The following IL12RB2 variants were observed in gnomAD, a reference collection of about 807,000 sequenced individuals.
IL12RB2 encodes the protein interleukin 12 receptor subunit beta 2.
A neutral mutation model predicts 89.4 loss-of-function variants in IL12RB2; 82 were observed. That is an observed-to-expected ratio of 0.92 (90% CI 0.77 to 1.10). The LOEUF is 1.10. IL12RB2 is among the 50% of genes least tolerant of loss of function. The probability of loss-of-function intolerance (pLI) is 0.00; values close to 1 mark genes in which losing one functional copy is unlikely to be tolerated. For synonymous variants in IL12RB2, 368 were observed against 370.1 expected, an observed-to-expected ratio of 0.99 and a Z score of 0.07; for missense variants, 963 against 1,031.9, an observed-to-expected ratio of 0.93 and a Z score of 0.92.
At chr1:67,318,899 A>G (rs1244839715) in intron 2 of IL12RB2, among the ~76,000 whole-genome samples, 1 of 152,130 alleles carries the variant, frequency 6.6e-6, no homozygotes, top group Non-Finnish European at 1.5e-5. Flanking sequence ...AAAAAAAAAA[A>G]ATACCTTGAG....
At chr1:67,390,289 C>T (rs1362961353) in intron 16 of IL12RB2, among the ~76,000 whole-genome samples, 161 bp downstream of exon 16, 1 of 151,994 alleles carries the variant, frequency 6.6e-6, no homozygotes, top group Non-Finnish European at 1.5e-5. Flanking sequence ...CATTTTAATT[C>T]CTGAACTTAA....
At chr1:67,310,256 G>T (rs1037778397) in intron 1 of IL12RB2, among the ~76,000 whole-genome samples, 7 of 149,336 alleles carry the variant, frequency 4.7e-5, no homozygotes, top group Non-Finnish European at 1.5e-5. Context: ...GCCCTTGGAA[G>T]TTTCTAGTGT....
intron 10 of IL12RB2, among the ~76,000 whole-genome samples, chr1:67,367,272 G>A (rs761949171): frequency 3.3e-5 from 5 of 151,900 alleles, no homozygotes; most frequent in East Asian, 1.9e-4. Context: ...ACATGCACCC[G>A]TGGTCTCAGC....
chr1:67,329,686 A>C lies in IL12RB2; in HGVS notation c.764A>C (p.Asn255Thr). 1 of 1,604,480 alleles carries C rather than the reference A, an allele frequency of 6.2e-7. No individual in the cohort carries two copies. Among genetic ancestry groups the C allele is most frequent in the Non-Finnish European group, 8.5e-7 (1 of 1,171,204 alleles). The change falls in exon 7 of 17, where the codon AAT (asparagine) becomes ACT (threonine). Residue 255 changes from asparagine (N) to threonine (T), a missense_variant. Physicochemically the swap from Asn to Thr is moderately conservative, Grantham distance 65. Transcript: ENST00000674203. ...YWRDEGLVLL[N>T]RLRYRPSNSR... ...AGAGATGAGGGACTGGTACTGCTTA[A>C]TCGACTCAGATATCGGCCCAGTAAC...
chr1:67,387,079 C>A (rs1182314417), intron 15 of IL12RB2, among the ~76,000 whole-genome samples: 1 of 151,238 alleles, frequency 6.6e-6, no homozygotes, highest in Non-Finnish European at 1.5e-5. Flanking sequence ...CAGGTGCCCA[C>A]CACCATGCCC....
At chr1:67,354,528 G>A (rs1314177309) in intron 10 of IL12RB2, among the ~76,000 whole-genome samples, 1 of 151,964 alleles carries the variant, frequency 6.6e-6, no homozygotes, top group Non-Finnish European at 1.5e-5. Context: ...AGGGAAAGAA[G>A]GACATGAGGC....
At chr1:67,335,859 T>C (rs980737163) in intron 8 of IL12RB2, among the ~76,000 whole-genome samples, 1 of 152,216 alleles carries the variant, frequency 6.6e-6, no homozygotes, top group Non-Finnish European at 1.5e-5. Context: ...CCCATGAAGG[T>C]ATACATTGCA....
intron 4 of IL12RB2, among the ~76,000 whole-genome samples, chr1:67,325,195 G>A (rs1349974498): frequency 2.0e-5 from 3 of 152,244 alleles, no homozygotes; most frequent in South Asian, 4.1e-4. Context: ...TTTGTTGTTG[G>A]AATTTATTGG....
intron 9 of IL12RB2, among the ~76,000 whole-genome samples, chr1:67,341,813 G>C (rs1275656776): frequency 1.3e-5 from 2 of 152,194 alleles, no homozygotes; most frequent in Non-Finnish European, 2.9e-5. Flanking sequence ...CTCAACTGAG[G>C]GTGGGAATGG....
chr1:67,327,604 C>G (rs1206445115), intron 5 of IL12RB2, among the ~76,000 whole-genome samples: 2 of 152,134 alleles, frequency 1.3e-5, no homozygotes, highest in African/African-American at 4.8e-5. Flanking sequence ...ATTGGCTGAC[C>G]TAAGAGTCCA....
At chr1:67,369,483 AGGC>A (rs979793590) in intron 11 of IL12RB2, among the ~76,000 whole-genome samples, 6 of 152,238 alleles carry the variant, frequency 3.9e-5, no homozygotes, top group South Asian at 2.1e-4. Flanking sequence ...TTACCTCTCA[AGGC>A]AGTGTGTTCC....
chr1:67,350,388 G>GA (rs17838103), intron 9 of IL12RB2, among the ~76,000 whole-genome samples: 8,957 of 152,304 alleles, frequency 0.059, 338 homozygotes, highest in African/African-American at 0.098. Flanking sequence ...TTTAGCTCTT[G>GA]AAAATCTTCT....
chr1:67,368,478 T>C (rs1031153042), intron 11 of IL12RB2, among the ~76,000 whole-genome samples: 4 of 152,220 alleles, frequency 2.6e-5, no homozygotes, highest in Non-Finnish European at 5.9e-5. Flanking sequence ...AACCAGGAAA[T>C]CCTTCATTCA....
chr1:67,335,403 G>C (rs2100719188), intron 8 of IL12RB2, among the ~76,000 whole-genome samples: 1 of 152,276 alleles, frequency 6.6e-6, no homozygotes, highest in South Asian at 2.1e-4. Context: ...GGGGGAGTTT[G>C]AACGTTTTCA....
chr1:67,364,443 A>G (rs1486196431), intron 10 of IL12RB2, among the ~76,000 whole-genome samples: 1 of 152,224 alleles, frequency 6.6e-6, no homozygotes, highest in Non-Finnish European at 1.5e-5. Context: ...ATGTAAAGAG[A>G]TAGAGAAAGA....
chr1:67,388,311 T>A (rs1665443025), intron 15 of IL12RB2, among the ~76,000 whole-genome samples: 1 of 152,158 alleles, frequency 6.6e-6, no homozygotes, highest in Non-Finnish European at 1.5e-5. Context: ...TGGGTGGCAA[T>A]TACTCTGTGC....
At chr1:67,362,572 C>CAAAAAAAAAAAAAAAAAAA (rs956277979) in intron 10 of IL12RB2, among the ~76,000 whole-genome samples, 2 of 43,342 alleles carry the variant, frequency 4.6e-5, no homozygotes, top group Non-Finnish European at 8.6e-5. Context: ...GACTCCGTCT[C>CAAAAAAAAAAAAAAAAAAA]AAAAAAAAAA....
intron 10 of IL12RB2, among the ~76,000 whole-genome samples, chr1:67,357,487 T>G (rs1212840921): frequency 1.3e-5 from 2 of 151,878 alleles, no homozygotes; most frequent in Non-Finnish European, 2.9e-5. Flanking sequence ...AGCAAAAGTG[T>G]TTTTTTTAAC....
chr1:67,336,049 G>A (rs140515978), intron 8 of IL12RB2, among the ~76,000 whole-genome samples: 13 of 152,254 alleles, frequency 8.5e-5, no homozygotes, highest in African/African-American at 3.1e-4. Context: ...TACTGCTGTG[G>A]TACAAGTCAA....
Sources: gnomAD v4.1 joint callset for allele counts (sites outside exome capture counted in the v4.1 genomes callset) on GRCh38, gnomAD v4.1.1 for gene constraint, MANE v1.5 for transcripts, NCBI Gene and HGNC (gene_info 2026-07-23, HGNC 2026-07-21) for gene names.